The following GRIA1 variants were observed in gnomAD, a reference collection of about 807,000 sequenced individuals.
GRIA1 encodes glutamate receptor 1.
In GRIA1, 31 loss-of-function variants were observed where a neutral mutation model predicts 99.2. The ratio of observed to expected loss-of-function variants is 0.31; its 90% confidence interval spans 0.23 to 0.42. GRIA1 has a LOEUF of 0.42. Among genes scored for constraint, GRIA1 ranks in the 10% least tolerant of loss-of-function variants. The pLI is 1.00. For synonymous variants in GRIA1, 438 were observed against 432.4 expected (o/e 1.01, Z -0.16); for missense variants, 782 against 1,157.5 (o/e 0.68, Z 4.71).
At chr5:153,624,058 T>G (rs770502906) in intron 2 of GRIA1, among the ~76,000 whole-genome samples, 3 of 152,198 alleles carry the variant, frequency 2.0e-5, no homozygotes, top group Non-Finnish European at 2.9e-5. Context: ...TGGAAATGGC[T>G]TCTGGATGAA....
chr5:153,728,130 G>A (rs1760713222), intron 11 of GRIA1, among the ~76,000 whole-genome samples: 1 of 151,704 alleles, frequency 6.6e-6, no homozygotes, highest in African/African-American at 2.4e-5. Flanking sequence ...TAAGCAATGG[G>A]GAAAGGATTC....
intron 11 of GRIA1, among the ~76,000 whole-genome samples, chr5:153,762,181 A>T (rs1763230819): frequency 6.6e-6 from 1 of 152,242 alleles, no homozygotes; most frequent in East Asian, 1.9e-4. Context: ...TCTCACCACA[A>T]ATAAATGATA....
chr5:153,758,047 C>T (rs1762941335), intron 11 of GRIA1, among the ~76,000 whole-genome samples: 1 of 151,950 alleles, frequency 6.6e-6, no homozygotes, highest in South Asian at 2.1e-4. Context: ...CTCATGGTAG[C>T]CACAAAGCAA....
chr5:153,619,127 G>A (rs1766788196), intron 2 of GRIA1, among the ~76,000 whole-genome samples: 2 of 152,186 alleles, frequency 1.3e-5, no homozygotes. Flanking sequence ...CAGAAATGCA[G>A]TTTGGTTTAA....
chr5:153,648,893 T>C (rs1205715671), intron 3 of GRIA1, among the ~76,000 whole-genome samples: 1 of 151,026 alleles, frequency 6.6e-6, no homozygotes, highest in African/African-American at 2.4e-5. Flanking sequence ...TATGTCTATG[T>C]TACATGGCAA....
intron 2 of GRIA1, among the ~76,000 whole-genome samples, chr5:153,559,812 T>A (rs909569474): frequency 6.6e-6 from 1 of 152,148 alleles, no homozygotes; most frequent in Non-Finnish European, 1.5e-5. Context: ...TGACTATATT[T>A]TGGTATAATT....
intron 14 of GRIA1, among the ~76,000 whole-genome samples, chr5:153,801,759 T>C (rs111824820): frequency 3.3e-5 from 5 of 152,260 alleles, no homozygotes; most frequent in Non-Finnish European, 7.3e-5. Flanking sequence ...CCCCCTAAAT[T>C]GGCACTCAGA....
intron 11 of GRIA1, among the ~76,000 whole-genome samples, chr5:153,721,837 G>T (rs1269562334): frequency 1.3e-5 from 2 of 152,250 alleles, no homozygotes; most frequent in East Asian, 1.9e-4. Context: ...TCTTGTAAAA[G>T]TCTTTTGGTA....
At chr5:153,695,827 G>A (rs1049844240) in intron 8 of GRIA1, among the ~76,000 whole-genome samples, 6 of 152,182 alleles carry the variant, frequency 3.9e-5, no homozygotes, top group African/African-American at 1.4e-4. Context: ...CCTCCGAGCT[G>A]TCTCAGCATC....
intron 3 of GRIA1, among the ~76,000 whole-genome samples, chr5:153,648,280 C>G (rs1039546145): frequency 6.6e-6 from 1 of 152,180 alleles, no homozygotes; most frequent in Non-Finnish European, 1.5e-5. Flanking sequence ...CAGACTGTGA[C>G]TATTGCAGGG....
intron 11 of GRIA1, among the ~76,000 whole-genome samples, chr5:153,708,540 C>T (rs764205564): frequency 6.6e-5 from 10 of 152,174 alleles, no homozygotes; most frequent in Non-Finnish European, 1.2e-4. Flanking sequence ...ATAGTTTCTA[C>T]CTCAAATCTT....
At position 153,647,035 on chromosome 5, in the gene GRIA1, A is replaced by T; in HGVS notation, c.328A>T (p.Thr110Ser). 1 of 1,613,966 alleles carries T rather than the reference A, an allele frequency of 6.2e-7. No individual in the cohort carries two copies. The highest frequency in any genetic ancestry group is 8.5e-7 in the Non-Finnish European group (1 of 1,179,912). Residue 110 changes from threonine to serine, a missense_variant, in exon 3 of 16, where the codon ACG (threonine) becomes TCG (serine). Transcript: ENST00000285900. ...FCGALHVCFI[T>S]PSFPVDTSNQ... The stretch of plus-strand genomic sequence containing the variant: ...TGGGGCCCTCCACGTCTGCTTCATT[A>T]CGCCGAGCTTTCCCGTTGATACATC...
At chr5:153,656,819 T>C (rs545859594) in intron 5 of GRIA1, among the ~76,000 whole-genome samples, 8 of 152,284 alleles carry the variant, frequency 5.3e-5, no homozygotes, top group South Asian at 4.1e-4. Flanking sequence ...TCATCACTGC[T>C]AGGAGAAATC....
At chr5:153,782,997 G>A (rs1300946664) in intron 13 of GRIA1, among the ~76,000 whole-genome samples, 4 of 152,196 alleles carry the variant, frequency 2.6e-5, no homozygotes, top group Admixed American at 2.6e-4. Flanking sequence ...GGGAGAGGAA[G>A]AAGAGAGAGG....
At chr5:153,787,260 G>C (rs75781038) in intron 13 of GRIA1, among the ~76,000 whole-genome samples, 180 of 152,242 alleles carry the variant, frequency 1.2e-3, no homozygotes, top group Non-Finnish European at 2.0e-3. Flanking sequence ...TCCTCCCCAA[G>C]AGTTCCAAAA....
chr5:153,811,467 A>T lies in GRIA1; in HGVS notation c.*242A>T, dbSNP rs1250052582. 8.5e-6 allele frequency: 4 copies of T among 473,346 alleles called. No individual in the cohort carries two copies. The highest frequency in any genetic ancestry group is 3.4e-5 in the Admixed American group (1 of 29,800). The allele number at this position is 473,346 out of a possible 1,614,324, so 29.3% of individuals were successfully genotyped here. A position where few individuals can be genotyped will look rare whatever the true frequency, so the allele number is the denominator to read the frequency against. ...AGTGAGGATGAAAAAATAACACTGT[A>T]CTGCAATAAGGGGAGAGTAACCCTG... On this transcript the variant is annotated 3_prime_UTR_variant, in exon 16 of 16. Transcript: ENST00000285900.
intron 11 of GRIA1, among the ~76,000 whole-genome samples, chr5:153,754,790 A>T (rs973063636): frequency 6.6e-6 from 1 of 152,174 alleles, no homozygotes; most frequent in Non-Finnish European, 1.5e-5. Context: ...TTTACTAATG[A>T]GGGCCTGCTC....
chr5:153,506,828 T>C (rs190548529), intron 2 of GRIA1, among the ~76,000 whole-genome samples: 16 of 152,246 alleles, frequency 1.1e-4, no homozygotes, highest in Non-Finnish European at 4.4e-5. Flanking sequence ...TCACTCTGAA[T>C]ACTTTAAAAT....
intron 2 of GRIA1, among the ~76,000 whole-genome samples, chr5:153,641,945 C>T (rs1246234856): frequency 6.6e-6 from 1 of 152,172 alleles, no homozygotes; most frequent in Non-Finnish European, 1.5e-5. Flanking sequence ...ACTGTATCTC[C>T]ATTGCCTAAC....
Sources: allele counts gnomAD v4.1 joint callset (sites outside exome capture counted in the v4.1 genomes callset), GRCh38; gene constraint gnomAD v4.1.1; transcripts MANE v1.5; gene names NCBI Gene and HGNC (gene_info 2026-07-23, HGNC 2026-07-21).